The following TNR variants were observed in gnomAD, a reference collection of about 807,000 sequenced individuals.
TNR encodes the protein tenascin-R.
TNR carries 45 observed loss-of-function variants against 150.4 expected under a neutral mutation model. The observed-to-expected ratio is 0.30, with a 90% CI of 0.24 to 0.38. The LOEUF (loss-of-function observed/expected upper bound fraction) is 0.38, where lower values mean the gene tolerates loss of function less well. Among genes scored for constraint, TNR ranks in the 10% least tolerant of loss-of-function variants. The probability of loss-of-function intolerance (pLI) is 1.00; values close to 1 mark genes in which losing one functional copy is unlikely to be tolerated. For missense variants in TNR, 1,544 were observed against 1,759.1 expected (o/e 0.88, Z 2.19); for synonymous variants, 687 against 678.4 (o/e 1.01, Z -0.20).
chr1:175,355,360 A>G, intron 17 of TNR, 143 bp downstream of exon 17: 1 of 1,146,370 alleles, frequency 8.7e-7, no homozygotes, highest in Non-Finnish European at 1.2e-6. Flanking sequence ...CAGGCTGGGT[A>G]TCCTTGATGG....
chr1:175,677,817 A>G (rs2101907733), intron 1 of TNR, among the ~76,000 whole-genome samples: 1 of 152,300 alleles, frequency 6.6e-6, no homozygotes, highest in Admixed American at 6.5e-5. Context: ...TGGATTCTAA[A>G]TAATAGACAG....
At chr1:175,347,547 C>T (rs191746605) in intron 18 of TNR, among the ~76,000 whole-genome samples, 14 of 152,208 alleles carry the variant, frequency 9.2e-5, no homozygotes, top group Non-Finnish European at 1.5e-4. Flanking sequence ...CCTGTCTCAG[C>T]CTCCTGAGTA....
At chr1:175,390,525 A>G (rs905071302) in intron 7 of TNR, among the ~76,000 whole-genome samples, 3 of 152,248 alleles carry the variant, frequency 2.0e-5, no homozygotes, top group Non-Finnish European at 4.4e-5. Flanking sequence ...GCTAATTTAC[A>G]GCATTGAAGT....
intron 1 of TNR, among the ~76,000 whole-genome samples, chr1:175,569,595 G>A (rs1197962889): frequency 2.0e-5 from 3 of 152,094 alleles, no homozygotes; most frequent in African/African-American, 4.8e-5. Flanking sequence ...TGTTTTGACC[G>A]GTACTCATAG....
chr1:175,332,952 TCA>T (rs1202405976), intron 20 of TNR, among the ~76,000 whole-genome samples: 2 of 152,200 alleles, frequency 1.3e-5, no homozygotes, highest in Non-Finnish European at 2.9e-5. Flanking sequence ...AAATTTAATC[TCA>T]GTCTTTTGTA....
At chr1:175,653,256 T>G (rs1468146373) in intron 1 of TNR, among the ~76,000 whole-genome samples, 12 of 152,238 alleles carry the variant, frequency 7.9e-5, no homozygotes, top group Non-Finnish European at 7.3e-5. Context: ...CTAGGTGTTC[T>G]GTCCTAGGAA....
chr1:175,440,367 G>A (rs1201493616), intron 2 of TNR, among the ~76,000 whole-genome samples: 1 of 148,994 alleles, frequency 6.7e-6, no homozygotes, highest in East Asian at 2.0e-4. Flanking sequence ...ATACACCGGG[G>A]ACTGTTGTGG....
intron 1 of TNR, among the ~76,000 whole-genome samples, chr1:175,560,239 T>C (rs1661366771): frequency 6.6e-6 from 1 of 152,238 alleles, no homozygotes; most frequent in East Asian, 1.9e-4. Context: ...TCTGTAGATA[T>C]ATTTTGAGTC....
intron 1 of TNR, among the ~76,000 whole-genome samples, chr1:175,725,571 G>A (rs911794204): frequency 5.3e-5 from 8 of 152,164 alleles, no homozygotes; most frequent in Admixed American, 3.9e-4. Context: ...ATCAATAACA[G>A]TCATGGCAAC....
intron 2 of TNR, among the ~76,000 whole-genome samples, chr1:175,497,990 G>A (rs557410595): frequency 9.2e-5 from 14 of 152,236 alleles, no homozygotes; most frequent in African/African-American, 3.1e-4. Context: ...AACTCAGGAG[G>A]TGGAAGTTGC....
chr1:175,669,675 T>C (rs1307263889), intron 1 of TNR, among the ~76,000 whole-genome samples: 2 of 152,142 alleles, frequency 1.3e-5, no homozygotes, highest in African/African-American at 4.8e-5. Flanking sequence ...GAGGGTGCAG[T>C]CTGTGTGGGC....
intron 1 of TNR, among the ~76,000 whole-genome samples, chr1:175,543,042 T>G (rs1660563256): frequency 6.6e-6 from 1 of 152,218 alleles, no homozygotes; most frequent in Non-Finnish European, 1.5e-5. Flanking sequence ...ACTGCTTTGC[T>G]GTTGCCATTT....
intron 2 of TNR, among the ~76,000 whole-genome samples, chr1:175,420,715 A>C (rs767759059): frequency 3.3e-5 from 5 of 152,238 alleles, no homozygotes; most frequent in Non-Finnish European, 7.3e-5. Flanking sequence ...AATTCTGTAA[A>C]GCATGTAAGG....
intron 2 of TNR, among the ~76,000 whole-genome samples, chr1:175,414,315 A>G (rs1017702902): frequency 2.6e-5 from 4 of 152,162 alleles, no homozygotes; most frequent in South Asian, 2.1e-4. Flanking sequence ...AGGAGAAAAA[A>G]AATGGAAGAG....
chr1:175,437,203 A>G (rs550114927), intron 2 of TNR, among the ~76,000 whole-genome samples: 1 of 152,216 alleles, frequency 6.6e-6, no homozygotes, highest in Admixed American at 6.5e-5. Context: ...CAATCAAACT[A>G]GAACTCAGGA....
At chr1:175,649,869 T>G (rs1205368179) in intron 1 of TNR, among the ~76,000 whole-genome samples, 2 of 152,222 alleles carry the variant, frequency 1.3e-5, no homozygotes, top group Non-Finnish European at 2.9e-5. Flanking sequence ...ACCCTCTGTA[T>G]TCTCCTGATC....
chr1:175,330,576 A>G (rs1649688959), intron 20 of TNR: 1 of 197,382 alleles, frequency 5.1e-6, no homozygotes, highest in Non-Finnish European at 1.0e-5. Flanking sequence ...CTAGAAGAAA[A>G]TTACAAGAGG....
chr1:175,675,645 T>C (rs1427207717), intron 1 of TNR, among the ~76,000 whole-genome samples: 1 of 152,186 alleles, frequency 6.6e-6, no homozygotes, highest in Non-Finnish European at 1.5e-5. Flanking sequence ...CATAGGTACA[T>C]GACCTGAACA....
In TNR at chr1:175,584,775, C is replaced by T. The variant is rs557529586; in HGVS notation, c.-164-56406G>A. Among the ~76,000 whole-genome samples the T allele has an allele frequency of 1.2e-4, 18 of 151,702 alleles. No individual in the cohort carries two copies. In the South Asian group the frequency reaches 3.8e-3, roughly 32 times the overall value. On this transcript the variant is annotated intron_variant, in intron 1 of 22. Coordinates refer to ENST00000367674, the MANE Select transcript of TNR (RefSeq NM_003285.3). ...ATAATAACAGGAAGTTCTCAATATTCTCCAGCCTACAGCCACATTTTAAAA... is the reference window on the plus strand; with the variant it reads ...ATAATAACAGGAAGTTCTCAATATTTTCCAGCCTACAGCCACATTTTAAAA...
Sources: allele counts gnomAD v4.1 joint callset (sites outside exome capture counted in the v4.1 genomes callset), GRCh38; gene constraint gnomAD v4.1.1; transcripts MANE v1.5; gene names NCBI Gene and HGNC (gene_info 2026-07-23, HGNC 2026-07-21).